The following RXRA variants were observed in gnomAD, a reference collection of about 807,000 sequenced individuals.
RXRA encodes the protein retinoic acid receptor RXR-alpha.
A neutral mutation model predicts 44.5 loss-of-function variants in RXRA; 5 were observed. The ratio of observed to expected loss-of-function variants is 0.11; its 90% confidence interval spans 0.06 to 0.24. RXRA has a LOEUF of 0.24. RXRA is among the 10% of genes least tolerant of loss of function. RXRA has a pLI of 1.00. For synonymous variants in RXRA, 291 were observed against 271.4 expected (o/e 1.07, Z -0.71); for missense variants, 412 against 646.5 (o/e 0.64, Z 3.93).
intron 7 of RXRA, among the ~76,000 whole-genome samples, chr9:134,430,225 C>G (rs1027922400): frequency 6.6e-6 from 1 of 152,250 alleles, no homozygotes; most frequent in Non-Finnish European, 1.5e-5. Flanking sequence ...GAGAGCCACA[C>G]ACACCAGACT....
chr9:134,386,815 C>A (rs1363395563), intron 1 of RXRA, among the ~76,000 whole-genome samples: 3 of 152,160 alleles, frequency 2.0e-5, no homozygotes, highest in Non-Finnish European at 4.4e-5. Flanking sequence ...GGGCTCTGGG[C>A]AAGGGTGGGA....
At position 134,424,603 on chromosome 9, in the gene RXRA, G is replaced by A. The variant is rs572067196; in HGVS notation, c.910+2798G>A. On this transcript the variant is annotated intron_variant, in intron 6 of 9. Transcript: ENST00000481739. ...AGTGTCCTTGTGTGTTCTGTCTGCC[G>A]GGGCCAGCAGCTCACCCATCAGGTG... is the stretch of plus-strand genomic sequence containing the variant. 21 of 985,414 alleles carry A rather than the reference G, an allele frequency of 2.1e-5. No homozygotes were observed. In the South Asian group the frequency reaches 3.3e-4, roughly 15 times the overall value. The allele number at this position is 985,414 out of a possible 1,614,324, so 61.0% of individuals were successfully genotyped here.
Position 134,371,727 on chromosome 9 carries a change from C to T in RXRA, c.29-29905C>T, listed in dbSNP as rs557167935. Among the ~76,000 whole-genome samples the T allele has an allele frequency of 4.0e-4, 61 of 152,284 alleles. 1 individual carries two copies. Among genetic ancestry groups the T allele is most frequent in the East Asian group, 1.4e-3 (7 of 5,172 alleles). On this transcript the variant is annotated intron_variant, in intron 1 of 9. Coordinates refer to ENST00000481739, the MANE Select transcript of RXRA (RefSeq NM_002957.6). ...TGGCGTGCGCCCCCTTGAAGTGGTC[C>T]GCCCTTGTCTCTGCCTGTCCTGAGG...
intron 1 of RXRA, among the ~76,000 whole-genome samples, chr9:134,361,546 G>A (rs1486379311): frequency 1.3e-5 from 2 of 152,222 alleles, no homozygotes; most frequent in Non-Finnish European, 2.9e-5. Context: ...GAGGTGTTGC[G>A]TCTCCTGAGA....
At chr9:134,422,817 C>CT in intron 6 of RXRA, 2 of 985,452 alleles carry the variant, frequency 2.0e-6, no homozygotes, top group Non-Finnish European at 2.4e-6. Flanking sequence ...AGGTAATGGG[C>CT]TGTCGGTGGA....
chr9:134,405,084 G>A (rs1274881052), intron 2 of RXRA: 2 of 152,400 alleles, frequency 1.3e-5, no homozygotes, highest in Non-Finnish European at 2.9e-5. Flanking sequence ...GGATAGCTGG[G>A]GGGCTGTGGA....
intron 1 of RXRA, among the ~76,000 whole-genome samples, chr9:134,348,472 G>T (rs1485419631): frequency 6.6e-6 from 1 of 152,044 alleles, no homozygotes; most frequent in Non-Finnish European, 1.5e-5. Context: ...TTGTCCCGAG[G>T]TCCCCCAGGG....
chr9:134,380,079 C>G, intron 1 of RXRA: 1 of 985,486 alleles, frequency 1.0e-6, no homozygotes, highest in Non-Finnish European at 1.2e-6. Flanking sequence ...CCTGCAGCCC[C>G]TCTGTTGTCG....
intron 1 of RXRA, among the ~76,000 whole-genome samples, chr9:134,384,613 A>C (rs1048184763): frequency 6.6e-6 from 1 of 151,916 alleles, no homozygotes; most frequent in Admixed American, 6.5e-5. Flanking sequence ...GTGTGGACCC[A>C]TGCAGGGCGT....
intron 1 of RXRA, among the ~76,000 whole-genome samples, chr9:134,350,913 T>C (rs1312920093): frequency 2.0e-5 from 3 of 152,188 alleles, no homozygotes; most frequent in African/African-American, 7.2e-5. Context: ...CGTCAGCACC[T>C]CGGCTGTGTG....
At chr9:134,423,604 C>G (rs1774273377) in intron 6 of RXRA, 1 of 985,464 alleles carries the variant, frequency 1.0e-6, no homozygotes, top group African/African-American at 1.7e-5. Flanking sequence ...TCTCCCATCT[C>G]AAAGTCCTTG....
rs1037975938 is a variant in RXRA at position 134,401,485 on chromosome 9, CAGAG to C, written c.29-144_29-141del. 5 of 1,272,636 alleles carry C rather than the reference CAGAG, an allele frequency of 3.9e-6. No individual in the cohort carries two copies. In the African/African-American group the frequency reaches 6.0e-5, roughly 15 times the overall value. 78.8% of individuals were successfully genotyped at this position (1,272,636 alleles called of 1,614,324 possible). A position where few individuals can be genotyped will look rare whatever the true frequency, so the allele number is the denominator to read the frequency against. ...GCCCGTAGTGAGTGTGAATTTGCGT[CAGAG>C]AGCTGTCGAGACCCACGGGGCCACC... On this transcript the variant is annotated intron_variant, in intron 1 of 9. Coordinates refer to ENST00000481739, the MANE Select transcript of RXRA (RefSeq NM_002957.6).
chr9:134,339,488 C>G (rs1554747782), intron 1 of RXRA, among the ~76,000 whole-genome samples: 1 of 143,248 alleles, frequency 7.0e-6, no homozygotes, highest in Non-Finnish European at 1.5e-5. Context: ...TGTGCATGCC[C>G]ACGCCCTTGT....
At chr9:134,385,565 T>C (rs1292241560) in intron 1 of RXRA, among the ~76,000 whole-genome samples, 1 of 152,150 alleles carries the variant, frequency 6.6e-6, no homozygotes, top group African/African-American at 2.4e-5. Context: ...CTGGCCTCTC[T>C]AGGGCTCCCT....
intron 9 of RXRA, among the ~76,000 whole-genome samples, chr9:134,435,014 A>G (rs1248260757): frequency 6.6e-6 from 1 of 152,168 alleles, no homozygotes; most frequent in Non-Finnish European, 1.5e-5. Flanking sequence ...GGACGAGGAC[A>G]GGAGGGGGTG....
chr9:134,348,986 C>T (rs782511558), intron 1 of RXRA, among the ~76,000 whole-genome samples: 12 of 152,182 alleles, frequency 7.9e-5, no homozygotes, highest in Non-Finnish European at 1.6e-4. Context: ...CCTTGAGACT[C>T]GGGAGGGGCT....
intron 1 of RXRA, among the ~76,000 whole-genome samples, chr9:134,383,172 C>G (rs1436691046): frequency 6.6e-6 from 1 of 152,178 alleles, no homozygotes; most frequent in Non-Finnish European, 1.5e-5. Flanking sequence ...CATGAGGGGC[C>G]GAGAGCCCAG....
intron 1 of RXRA, among the ~76,000 whole-genome samples, chr9:134,392,544 C>T (rs1177544011): frequency 1.3e-5 from 2 of 152,196 alleles, no homozygotes; most frequent in African/African-American, 4.8e-5. Flanking sequence ...GCGCGATTTC[C>T]ATCACGGCTC....
At position 134,426,352 on chromosome 9, in the gene RXRA, A is replaced by G; in HGVS notation, c.911-2756A>G. Reference sequence around the variant, plus strand: ...GAAGACACCCCAAAGGTTACTGTAAAGTGGGTTCCTCTCCTATTTTTCTCT... The same window carrying G: ...GAAGACACCCCAAAGGTTACTGTAAGGTGGGTTCCTCTCCTATTTTTCTCT... On this transcript the variant is annotated intron_variant, in intron 6 of 9. Transcript: ENST00000481739. This position sits in a 1 kb window ranked among gnomAD's most constrained non-coding sequence, Gnocchi z 4.6. 1.0e-6 allele frequency: 1 copy of G among 985,408 alleles called. No homozygotes were observed. Among genetic ancestry groups the G allele is most frequent in the Non-Finnish European group, 1.2e-6 (1 of 829,906 alleles). The allele number at this position is 985,408 out of a possible 1,614,324, so 61.0% of individuals were successfully genotyped here.
Sources: allele counts gnomAD v4.1 joint callset (sites outside exome capture counted in the v4.1 genomes callset), GRCh38; gene constraint gnomAD v4.1.1; non-coding constraint Gnocchi (gnomAD v3.1); transcripts MANE v1.5; gene names NCBI Gene and HGNC (gene_info 2026-07-23, HGNC 2026-07-21).